CPEB3: variants seen among roughly 807,000 people sequenced by gnomAD.
The protein encoded by CPEB3 is cytoplasmic polyadenylation element-binding protein 3.
Under a neutral mutation model 67.2 loss-of-function variants are expected in CPEB3, and 20 were observed. That is an observed-to-expected ratio of 0.30 (90% confidence interval 0.21 to 0.43). The LOEUF (loss-of-function observed/expected upper bound fraction) is 0.43. CPEB3 is among the 20% of genes least tolerant of loss of function. CPEB3 has a pLI of 1.00. For missense variants in CPEB3, 746 were observed against 968.6 expected (o/e 0.77, Z 3.05); for synonymous variants, 376 against 393.1 (o/e 0.96, Z 0.51).
chr10:92,244,135 T>A (rs746246601), intron 1 of CPEB3, among the ~76,000 whole-genome samples: 2 of 151,932 alleles, frequency 1.3e-5, no homozygotes, highest in Non-Finnish European at 2.9e-5. Flanking sequence ...TCACCTGAGG[T>A]CAGGAGTTCG....
intron 2 of CPEB3, chr10:92,216,410 C>G (rs1590413285): frequency 1.2e-6 from 2 of 1,612,594 alleles, no homozygotes; most frequent in East Asian, 4.5e-5. Flanking sequence ...CTACCAGGAG[C>G]TGCTGGTCAA....
At chr10:92,121,818 C>G (rs1246207102) in intron 6 of CPEB3, among the ~76,000 whole-genome samples, 1 of 152,164 alleles carries the variant, frequency 6.6e-6, no homozygotes, top group African/African-American at 2.4e-5. Context: ...GCTCTCTCCT[C>G]TCACAAAATC....
Position 92,098,160 on chromosome 10 carries a change from T to TAAAAAAAAAAAAA in CPEB3, c.1573-6229_1573-6217dup, listed in dbSNP as rs1166249584. Among the ~76,000 whole-genome samples the TAAAAAAAAAAAAA allele has an allele frequency of 1.1e-4, 4 of 36,106 alleles. 1 individual carries two copies. The highest frequency in any genetic ancestry group is 1.4e-4 in the Non-Finnish European group (3 of 21,454). The allele number at this position is 36,106 out of a possible 152,430, so 23.7% of individuals were successfully genotyped here. On this transcript the variant is annotated intron_variant, in intron 7 of 9. Coordinates refer to ENST00000265997, the MANE Select transcript of CPEB3 (RefSeq NM_014912.5). Reference sequence around the variant, plus strand: ...TGGGCAACAAGAGTGACACTCTGCCTAAAAAAAAAAAAAAAAAAAAAAAAA... The same window carrying TAAAAAAAAAAAAA: ...TGGGCAACAAGAGTGACACTCTGCCTAAAAAAAAAAAAAAAAAAAAAAAAAAAAAAAAAAAAAA...
At chr10:92,127,125 T>C (rs1346671169) in intron 6 of CPEB3, among the ~76,000 whole-genome samples, 1 of 152,112 alleles carries the variant, frequency 6.6e-6, no homozygotes, top group East Asian at 1.9e-4. Flanking sequence ...ATAATAAGCA[T>C]TTTAAAGAAA....
At chr10:92,198,591 G>T (rs1414037251) in intron 2 of CPEB3, among the ~76,000 whole-genome samples, 3 of 152,134 alleles carry the variant, frequency 2.0e-5, no homozygotes, top group Non-Finnish European at 4.4e-5. Context: ...AGGCTGAAAG[G>T]GCCAACAGCA....
chr10:92,060,529 A>G (rs1842301306), intron 9 of CPEB3, among the ~76,000 whole-genome samples: 1 of 152,206 alleles, frequency 6.6e-6, no homozygotes, highest in South Asian at 2.1e-4. Context: ...GGATCACATC[A>G]AGTTAAAAAA....
chr10:92,145,217 T>C (rs752501474), intron 4 of CPEB3, 132 bp from the exon 5 acceptor site: 41 of 945,192 alleles, frequency 4.3e-5, no homozygotes, highest in Middle Eastern at 2.4e-4. Context: ...AAAAAAGGTG[T>C]CCTGAGCTGT....
intron 1 of CPEB3, among the ~76,000 whole-genome samples, chr10:92,263,189 C>A (rs1852887455): frequency 6.6e-6 from 1 of 152,200 alleles, no homozygotes; most frequent in African/African-American, 2.4e-5. Context: ...AATTCTCACG[C>A]CTCAGCCCCA....
intron 4 of CPEB3, among the ~76,000 whole-genome samples, chr10:92,175,723 C>T (rs1475856534): frequency 2.0e-5 from 3 of 152,208 alleles, no homozygotes; most frequent in Admixed American, 6.5e-5. Context: ...AATGGAACCA[C>T]ATCTCAATAC....
At chr10:92,209,568 G>A (rs187099882) in intron 2 of CPEB3, among the ~76,000 whole-genome samples, 5 of 152,138 alleles carry the variant, frequency 3.3e-5, no homozygotes, top group South Asian at 4.1e-4. Context: ...TTTAGAGGCC[G>A]AAACAATAAG....
chr10:92,186,462 T>C (rs1848696382), intron 3 of CPEB3, among the ~76,000 whole-genome samples: 1 of 150,442 alleles, frequency 6.6e-6, no homozygotes. Flanking sequence ...TTAGATGGAG[T>C]CTCGCTCTGT....
intron 7 of CPEB3, among the ~76,000 whole-genome samples, chr10:92,107,980 A>G (rs539795012): frequency 1.3e-5 from 2 of 152,314 alleles, no homozygotes; most frequent in South Asian, 2.1e-4. Flanking sequence ...AGCAAGTATG[A>G]TCCTGGACAA....
At chr10:92,201,855 T>C (rs1307536737) in intron 2 of CPEB3, among the ~76,000 whole-genome samples, 1 of 152,144 alleles carries the variant, frequency 6.6e-6, no homozygotes, top group African/African-American at 2.4e-5. Context: ...TAGAACTAAG[T>C]ATATTGTAAT....
At chr10:92,144,532 C>G (rs898661103) in intron 5 of CPEB3, among the ~76,000 whole-genome samples, 9 of 152,164 alleles carry the variant, frequency 5.9e-5, no homozygotes, top group African/African-American at 2.2e-4. Flanking sequence ...TCCCAAAGTA[C>G]TGGGATTACG....
chr10:92,162,103 C>T, intron 4 of CPEB3, among the ~76,000 whole-genome samples: 1 of 151,984 alleles, frequency 6.6e-6, no homozygotes, highest in East Asian at 1.9e-4. Context: ...AACTTTAATT[C>T]TCAATTATCA....
chr10:92,135,970 T>C (rs189273784), intron 6 of CPEB3, among the ~76,000 whole-genome samples: 38 of 150,194 alleles, frequency 2.5e-4, no homozygotes, highest in African/African-American at 8.6e-4. Context: ...ATGAGAACAC[T>C]TGGACACAGG....
At chr10:92,288,423 C>T (rs922668037) in intron 1 of CPEB3, among the ~76,000 whole-genome samples, 2 of 149,554 alleles carry the variant, frequency 1.3e-5, no homozygotes, top group African/African-American at 4.9e-5. Flanking sequence ...CCACTGCACT[C>T]CAGCCTGGAT....
intron 2 of CPEB3, among the ~76,000 whole-genome samples, chr10:92,205,655 T>C (rs1849752731): frequency 6.6e-6 from 1 of 151,838 alleles, no homozygotes; most frequent in African/African-American, 2.4e-5. Context: ...TTTTGTATTT[T>C]TAGTAGAGAC....
At position 92,160,878 on chromosome 10, in the gene CPEB3, T is replaced by C. The variant is rs139495891; in HGVS notation, c.1223-15793A>G. On this transcript the variant is annotated intron_variant, in intron 4 of 9. Coordinates refer to ENST00000265997, the MANE Select transcript of CPEB3 (RefSeq NM_014912.5). Reference sequence around the variant, plus strand: ...GACAGAGGAAGAGTTACAAAAGACCTACCTGGGAGTTTTGTTGGTTTGTTT... The same window carrying C: ...GACAGAGGAAGAGTTACAAAAGACCCACCTGGGAGTTTTGTTGGTTTGTTT... 5.8e-4 allele frequency among the ~76,000 whole-genome samples: 88 copies of C among 152,302 alleles called. No individual in the cohort carries two copies. In the East Asian group the frequency reaches 0.011, roughly 19 times the overall value.
Sources: allele counts gnomAD v4.1 joint callset (sites outside exome capture counted in the v4.1 genomes callset), GRCh38; gene constraint gnomAD v4.1.1; transcripts MANE v1.5; gene names NCBI Gene and HGNC (gene_info 2026-07-23, HGNC 2026-07-21).